The following LOC128462377 variants were observed in gnomAD, a reference collection of about 807,000 sequenced individuals.
the LOC128462377 span, among the ~76,000 whole-genome samples, chr16:89,381,864 G>A: frequency 6.6e-6 from 1 of 152,246 alleles, no homozygotes; most frequent in Non-Finnish European, 1.5e-5. Context: ...ATAACTTACA[G>A]CCTCTGCCAC....
chr16:89,387,586 T>C, the LOC128462377 span, among the ~76,000 whole-genome samples: 1 of 145,052 alleles, frequency 6.9e-6, no homozygotes, highest in East Asian at 2.1e-4. Context: ...GGCAGGAGAA[T>C]GGCGGGAACC....
chr16:89,349,433 T>C, the LOC128462377 span, among the ~76,000 whole-genome samples: 1 of 152,166 alleles, frequency 6.6e-6, no homozygotes, highest in East Asian at 1.9e-4. Flanking sequence ...TGAGCTGAGA[T>C]CGCGCCACTG....
At chr16:89,416,622 T>C in the LOC128462377 span, among the ~76,000 whole-genome samples, 1 of 151,880 alleles carries the variant, frequency 6.6e-6, no homozygotes, top group Non-Finnish European at 1.5e-5. Flanking sequence ...AATAATTTTA[T>C]TTTTCACACT....
chr16:89,382,109 G>A, the LOC128462377 span, among the ~76,000 whole-genome samples: 2 of 152,202 alleles, frequency 1.3e-5, no homozygotes, highest in African/African-American at 2.4e-5. Context: ...GGGCGAGGGG[G>A]ACGCGGCCTC....
the LOC128462377 span, among the ~76,000 whole-genome samples, chr16:89,416,301 AT>A: frequency 1.1e-3 from 162 of 146,726 alleles, 1 homozygote; most frequent in South Asian, 7.8e-3. Context: ...GAATCCATCG[AT>A]TTTTTTTTTT....
At chr16:89,394,924 G>T in the LOC128462377 span, among the ~76,000 whole-genome samples, 1 of 152,194 alleles carries the variant, frequency 6.6e-6, no homozygotes, top group East Asian at 1.9e-4. Flanking sequence ...CCAATTCAGA[G>T]GCGACAGTTT....
chr16:89,345,336 C>T, the LOC128462377 span, among the ~76,000 whole-genome samples: 9 of 151,194 alleles, frequency 6.0e-5, no homozygotes, highest in South Asian at 2.1e-4. Flanking sequence ...AGCTCAGTGC[C>T]GACACCCCCC....
the LOC128462377 span, among the ~76,000 whole-genome samples, chr16:89,402,973 C>T: frequency 6.6e-6 from 1 of 152,164 alleles, no homozygotes; most frequent in South Asian, 2.1e-4. Context: ...TCCGCCTGGG[C>T]TCCAGCTCTA....
chr16:89,412,811 C>T, the LOC128462377 span, among the ~76,000 whole-genome samples: 1 of 152,082 alleles, frequency 6.6e-6, no homozygotes, highest in African/African-American at 2.4e-5. Flanking sequence ...ATACAGTAAC[C>T]GCAATATTAT....
At chr16:89,385,930 G>A in the LOC128462377 span, among the ~76,000 whole-genome samples, 6 of 152,346 alleles carry the variant, frequency 3.9e-5, 1 homozygote, top group Middle Eastern at 0.01. Context: ...GTCACCACAC[G>A]GATGCCAAAC....
At chr16:89,381,354 A>AAAAGGG in the LOC128462377 span, among the ~76,000 whole-genome samples, 1 of 125,338 alleles carries the variant, frequency 8.0e-6, no homozygotes, top group African/African-American at 3.3e-5. Context: ...AAAAAAAAAA[A>AAAAGGG]GGGGTGAGAA....
the LOC128462377 span, among the ~76,000 whole-genome samples, chr16:89,334,820 G>A: frequency 6.6e-6 from 1 of 152,140 alleles, no homozygotes; most frequent in Non-Finnish European, 1.5e-5. Flanking sequence ...AGTCCAGGTG[G>A]CCCACAACAC....
At chr16:89,390,081 G>T in the LOC128462377 span, among the ~76,000 whole-genome samples, 10 of 58,672 alleles carry the variant, frequency 1.7e-4, no homozygotes, top group South Asian at 1.1e-3. Context: ...GAGTGTGGCG[G>T]GGAGCACAGA....
chr16:89,410,132 T>C, the LOC128462377 span, among the ~76,000 whole-genome samples: 1 of 152,122 alleles, frequency 6.6e-6, no homozygotes, highest in South Asian at 2.1e-4. Flanking sequence ...AGCCACCGCG[T>C]CCAGCCTCAA....
At chr16:89,319,360 C>T in the LOC128462377 span, among the ~76,000 whole-genome samples, 5 of 152,352 alleles carry the variant, frequency 3.3e-5, no homozygotes, top group South Asian at 1.0e-3. Context: ...TCTGGGAGTC[C>T]ACTCAGGAGG....
chr16:89,371,117 G>A, the LOC128462377 span, among the ~76,000 whole-genome samples: 1 of 152,306 alleles, frequency 6.6e-6, no homozygotes, highest in Admixed American at 6.5e-5. Flanking sequence ...CGCCGAGGGG[G>A]AAGACGGGAC....
At chr16:89,380,566 C>G in the LOC128462377 span, among the ~76,000 whole-genome samples, 2 of 152,322 alleles carry the variant, frequency 1.3e-5, no homozygotes, top group African/African-American at 4.8e-5. Flanking sequence ...AGGACCTGCC[C>G]GCTGCCTTGG....
the LOC128462377 span, among the ~76,000 whole-genome samples, chr16:89,327,499 A>C: frequency 5.9e-5 from 9 of 152,336 alleles, no homozygotes; most frequent in South Asian, 6.2e-4. Flanking sequence ...ATTCCAAGAA[A>C]CTTTATTTAA....
At chr16:89,391,147 G>C in the LOC128462377 span, among the ~76,000 whole-genome samples, 1 of 150,334 alleles carries the variant, frequency 6.7e-6, no homozygotes, top group Non-Finnish European at 1.5e-5. Flanking sequence ...AGAATGGTGT[G>C]AACCCGGAAG....
Sources: allele counts gnomAD v4.1 joint callset (sites outside exome capture counted in the v4.1 genomes callset), GRCh38; gene constraint gnomAD v4.1.1; transcripts MANE v1.5.